SF3B3: variants seen among roughly 807,000 people sequenced by gnomAD.
SF3B3 encodes the protein SAP 130.
SF3B3 carries 33 observed loss-of-function variants against 139.2 expected under a neutral mutation model. The observed-to-expected ratio is 0.24, with a 90% CI of 0.18 to 0.32. The LOEUF (loss-of-function observed/expected upper bound fraction) is 0.32, where lower values mean the gene tolerates loss of function less well. SF3B3 is among the 10% of genes least tolerant of loss of function. The pLI is 1.00. For synonymous variants in SF3B3, 596 were observed against 563.6 expected (o/e 1.06, Z -0.81); for missense variants, 818 against 1,509.4 (o/e 0.54, Z 7.59).
At chr16:70,557,148 G>A (rs1379106083) in intron 15 of SF3B3, 119 bp downstream of exon 15, 50 of 1,050,142 alleles carry the variant, frequency 4.8e-5, no homozygotes, top group Non-Finnish European at 6.5e-5. Flanking sequence ...CTTATGAAAA[G>A]TGAACAGTGT....
At chr16:70,556,065 G>A (rs1273583364) in intron 13 of SF3B3, 114 bp from the exon 14 acceptor site, 1 of 1,062,992 alleles carries the variant, frequency 9.4e-7, no homozygotes, top group Non-Finnish European at 1.4e-6. Context: ...AGAGGAAGCA[G>A]AACAAAATAC....
intron 10 of SF3B3, 28 bp from the exon 11 acceptor site, chr16:70,548,342 A>G: frequency 1.9e-6 from 3 of 1,600,968 alleles, no homozygotes; most frequent in Non-Finnish European, 2.6e-6. Context: ...TGCTCACTGG[A>G]TCTGTGGCTT....
intron 9 of SF3B3, among the ~76,000 whole-genome samples, chr16:70,542,944 C>T (rs140767373): frequency 3.5e-3 from 534 of 151,934 alleles, no homozygotes; most frequent in Middle Eastern, 0.014. Context: ...AGGATGGTCT[C>T]GATATTCTGA....
intron 21 of SF3B3, among the ~76,000 whole-genome samples, chr16:70,567,862 T>A (rs548044333): frequency 6.6e-6 from 1 of 152,288 alleles, no homozygotes; most frequent in South Asian, 2.1e-4. Flanking sequence ...ATTTTTTGTA[T>A]CTTTAGTAGA....
At chr16:70,530,127 AAAATAAATAAATAAAT>A (rs148897352) in intron 3 of SF3B3, among the ~76,000 whole-genome samples, 1,731 of 133,116 alleles carry the variant, frequency 0.013, 15 homozygotes, top group Non-Finnish European at 0.017. Context: ...CTGCATCTCA[AAAATAAATAAATAAAT>A]AAATAAATAA....
At chr16:70,562,840 T>G (rs1050680947) in intron 17 of SF3B3, among the ~76,000 whole-genome samples, 4 of 152,170 alleles carry the variant, frequency 2.6e-5, no homozygotes, top group Non-Finnish European at 5.9e-5. Context: ...TTTTAAGTTT[T>G]TTTTTTGAGA....
At chr16:70,545,117 T>C (rs961920151) in intron 10 of SF3B3, among the ~76,000 whole-genome samples, 2 of 152,150 alleles carry the variant, frequency 1.3e-5, no homozygotes, top group African/African-American at 4.8e-5. Flanking sequence ...CATGCTGGAG[T>C]GCAGTGGCTC....
rs1438934994 is a variant in SF3B3, at chr16:70,539,187, A to G, written c.1047A>G (p.Val349=). 1 of 1,613,322 alleles carries G rather than the reference A, an allele frequency of 6.2e-7. No homozygotes were observed. Among genetic ancestry groups the G allele is most frequent in the Non-Finnish European group, 8.5e-7 (1 of 1,179,266 alleles). Residue 349 remains valine, a synonymous_variant, in exon 8 of 26, where the codon GTA becomes GTG. Coordinates refer to ENST00000302516, the MANE Select transcript of SF3B3 (RefSeq NM_012426.5). Reference sequence around the variant, plus strand: ...TGCTTAAAACAGGGTTCCTTTTTGTAGCATCAGAATTTGGAAACCAGTGAG... The same window carrying G: ...TGCTTAAAACAGGGTTCCTTTTTGTGGCATCAGAATTTGGAAACCAGTGAG... ...MCVLKTGFLF[V]ASEFGNHYLY...
chr16:70,544,358 G>T (rs1318727912), intron 9 of SF3B3, 80 bp from the exon 10 acceptor site: 6 of 785,890 alleles, frequency 7.6e-6, no homozygotes, highest in Admixed American at 2.0e-5. Context: ...GCAGCTGGAT[G>T]TCTGGGATAC....
intron 8 of SF3B3, among the ~76,000 whole-genome samples, chr16:70,541,020 A>C (rs1049442401): frequency 6.6e-6 from 1 of 152,232 alleles, no homozygotes; most frequent in Admixed American, 6.5e-5. Context: ...AGAAACCACC[A>C]AACTTTCTCA....
chr16:70,549,300 C>T (rs1457125259), intron 11 of SF3B3, among the ~76,000 whole-genome samples: 6 of 152,174 alleles, frequency 3.9e-5, no homozygotes, highest in Non-Finnish European at 7.3e-5. Flanking sequence ...AGGAGGAAAA[C>T]AACTTACTAT....
intron 1 of SF3B3, 149 bp from the exon 2 acceptor site, chr16:70,526,438 C>T: frequency 2.0e-6 from 1 of 504,724 alleles, no homozygotes; most frequent in Non-Finnish European, 3.5e-6. Context: ...GAACTCCTGA[C>T]CTCGTGAGCC....
chr16:70,573,551 A>G lies in SF3B3; in HGVS notation c.*1738A>G, dbSNP rs2050549319. 1 of 152,232 alleles carries G rather than the reference A, an allele frequency of 6.6e-6. No individual in the cohort carries two copies. Among genetic ancestry groups the G allele is most frequent in the African/African-American group, 2.4e-5 (1 of 41,464 alleles). The allele number at this position is 152,232 out of a possible 1,614,324, so 9.4% of individuals were successfully genotyped here. ...CTCTGTTAAGAGGAAGGGCTAGGAC[A>G]AGGATTTGGGCTTGAATATGTGGAA... On this transcript the variant is annotated 3_prime_UTR_variant, in exon 26 of 26. Transcript: ENST00000302516.
chr16:70,532,184 C>T (rs894925453), intron 4 of SF3B3, among the ~76,000 whole-genome samples: 11 of 151,756 alleles, frequency 7.2e-5, no homozygotes, highest in East Asian at 5.8e-4. Context: ...CCCAGCAACT[C>T]GGGAGGCTGA....
chr16:70,570,480 G>A (rs1489779838), intron 24 of SF3B3, among the ~76,000 whole-genome samples: 2 of 151,856 alleles, frequency 1.3e-5, no homozygotes, highest in East Asian at 1.9e-4. Context: ...ACAGGCGCCC[G>A]CCACCATGCC....
intron 10 of SF3B3, 152 bp from the exon 11 acceptor site, chr16:70,548,218 T>C: frequency 1.5e-6 from 1 of 650,380 alleles, no homozygotes; most frequent in Admixed American, 2.6e-5. Flanking sequence ...CCTGTTTGGT[T>C]CTTAGATTCT....
chr16:70,569,450 T>C (rs893295579), intron 23 of SF3B3, among the ~76,000 whole-genome samples: 1 of 152,194 alleles, frequency 6.6e-6, no homozygotes, highest in Admixed American at 6.5e-5. Context: ...ACAAGCCTAG[T>C]GATTGCTGTT....
At chr16:70,525,382 C>T (rs538112628) in intron 1 of SF3B3, among the ~76,000 whole-genome samples, 5 of 152,298 alleles carry the variant, frequency 3.3e-5, no homozygotes, top group African/African-American at 9.6e-5. Context: ...CACCTTCCTC[C>T]ACGATCCAAA....
intron 6 of SF3B3, among the ~76,000 whole-genome samples, chr16:70,537,089 G>A (rs1305622515): frequency 2.0e-5 from 3 of 152,148 alleles, no homozygotes; most frequent in Non-Finnish European, 2.9e-5. Flanking sequence ...GATTACAGGC[G>A]TGAGCCACTG....
Sources: allele counts gnomAD v4.1 joint callset (sites outside exome capture counted in the v4.1 genomes callset), GRCh38; gene constraint gnomAD v4.1.1; transcripts MANE v1.5; gene names NCBI Gene and HGNC (gene_info 2026-07-23, HGNC 2026-07-21).